ADAMTS9: variants seen among roughly 807,000 people sequenced by gnomAD.
ADAMTS9 encodes ADAM metallopeptidase with thrombospondin type 1 motif 9, also known as A disintegrin and metalloproteinase with thrombospondin motifs 9.
A neutral mutation model predicts 257.1 loss-of-function variants in ADAMTS9; 107 were observed. That is an observed-to-expected ratio of 0.42 (90% CI 0.36 to 0.49). The LOEUF (loss-of-function observed/expected upper bound fraction) is 0.49. ADAMTS9 is among the 20% of genes least tolerant of loss of function. The pLI is 0.03. For missense variants in ADAMTS9, 2,353 were observed against 2,469.1 expected, an observed-to-expected ratio of 0.95 and a Z score of 1.00; for synonymous variants, 982 against 880.9, an observed-to-expected ratio of 1.11 and a Z score of -2.03.
In ADAMTS9 at chr3:64,687,801, G is replaced by A. The variant is rs1276416562; in HGVS notation, c.-144C>T. 8.6e-6 allele frequency: 5 copies of A among 578,044 alleles called. No homozygotes were observed. The South Asian group carries it at 1.4e-4, about 16-fold the overall frequency. The allele number at this position is 578,044 out of a possible 1,614,324, so 35.8% of individuals were successfully genotyped here. A position where few individuals can be genotyped will look rare whatever the true frequency, so the allele number is the denominator to read the frequency against. On this transcript the variant is annotated 5_prime_UTR_variant, in exon 1 of 40. Transcript: ENST00000498707. The surrounding 1 kb of genome is among the most constrained non-coding windows in gnomAD (Gnocchi z 4.4). Reference sequence around the variant, plus strand: ...ACTTTTGACTTTAGGAGTCGCTGAGGTCTCGCTGCGAGGGTCCCGTCTGCG... The same window carrying A: ...ACTTTTGACTTTAGGAGTCGCTGAGATCTCGCTGCGAGGGTCCCGTCTGCG...
At chr3:64,676,496 C>A (rs1169533669) in intron 3 of ADAMTS9, among the ~76,000 whole-genome samples, 1 of 150,534 alleles carries the variant, frequency 6.6e-6, no homozygotes. Flanking sequence ...TGTTTACACA[C>A]ATGTACCCAA....
chr3:64,638,398 A>G (rs1207194050), intron 12 of ADAMTS9, among the ~76,000 whole-genome samples: 8 of 152,120 alleles, frequency 5.3e-5, no homozygotes, highest in Non-Finnish European at 1.5e-5. Context: ...TATGTTTTGG[A>G]GGTTCTGATT....
chr3:64,559,773 G>C (rs2083389303), intron 30 of ADAMTS9, among the ~76,000 whole-genome samples: 1 of 152,238 alleles, frequency 6.6e-6, no homozygotes, highest in African/African-American at 2.4e-5. Flanking sequence ...AAAAGGAATT[G>C]TAAACAGAGT....
At chr3:64,642,293 C>T (rs1005934261) in intron 11 of ADAMTS9, among the ~76,000 whole-genome samples, 1 of 152,046 alleles carries the variant, frequency 6.6e-6, no homozygotes, top group Non-Finnish European at 1.5e-5. Context: ...TTGGAAAAAC[C>T]AGGAGTGGAA....
At chr3:64,652,992 A>T (rs1700970650) in intron 8 of ADAMTS9, among the ~76,000 whole-genome samples, 1 of 152,244 alleles carries the variant, frequency 6.6e-6, no homozygotes, top group Non-Finnish European at 1.5e-5. Context: ...TACATGAAAC[A>T]TAAATTCCTT....
rs202179282 is a variant in ADAMTS9 at position 64,681,346 on chromosome 3, A to C, written c.534T>G (p.Ser178=). ...GTTCAATAAAATAATCCCCATCATGAGACCGGAATGTGCCCAGCTGCAAAT... is the reference window on the plus strand; with the variant it reads ...GTTCAATAAAATAATCCCCATCATGCGACCGGAATGTGCCCAGCTGCAAAT... The part of the protein sequence containing the change: ...LCSGMLGTFR[S]HDGDYFIEPL... The change falls in exon 3 of 40, where the codon TCT becomes TCG. Residue 178 remains serine (S), a synonymous_variant. Coordinates refer to ENST00000498707, the MANE Select transcript of ADAMTS9 (RefSeq NM_182920.2). 2 of 1,612,340 alleles carry C rather than the reference A, an allele frequency of 1.2e-6. No homozygotes were observed. The highest frequency in any genetic ancestry group is 4.5e-5 in the East Asian group (2 of 44,736).
At chr3:64,657,953 T>C (rs1186163801) in intron 4 of ADAMTS9, among the ~76,000 whole-genome samples, 1 of 152,138 alleles carries the variant, frequency 6.6e-6, no homozygotes, top group Non-Finnish European at 1.5e-5. Flanking sequence ...TAGGCCTCAC[T>C]CCCCAGGCTA....
intron 11 of ADAMTS9, among the ~76,000 whole-genome samples, chr3:64,646,387 A>G (rs1352852422): frequency 2.0e-5 from 3 of 152,196 alleles, no homozygotes; most frequent in Admixed American, 6.5e-5. Context: ...GGATTCTTTG[A>G]CCAAAATATG....
At chr3:64,621,786 A>T (rs1006882425) in intron 18 of ADAMTS9, among the ~76,000 whole-genome samples, 4 of 126,184 alleles carry the variant, frequency 3.2e-5, no homozygotes, top group Admixed American at 1.5e-4. Flanking sequence ...ATAAAAAAAT[A>T]AAAAAATAAA....
At chr3:64,639,008 C>A (rs1700570012) in intron 12 of ADAMTS9, among the ~76,000 whole-genome samples, 1 of 152,118 alleles carries the variant, frequency 6.6e-6, no homozygotes, top group Non-Finnish European at 1.5e-5. Flanking sequence ...GGCAGCTGTT[C>A]CCCTCAAACT....
At chr3:64,641,246 C>CTT (rs61090961) in intron 12 of ADAMTS9, among the ~76,000 whole-genome samples, 84 of 144,398 alleles carry the variant, frequency 5.8e-4, no homozygotes, top group Middle Eastern at 3.6e-3. Flanking sequence ...AGTGTGCTAT[C>CTT]TTTTTTTTTT....
intron 6 of ADAMTS9, among the ~76,000 whole-genome samples, chr3:64,655,045 G>C (rs943752512): frequency 3.3e-5 from 5 of 152,178 alleles, no homozygotes; most frequent in African/African-American, 1.2e-4. Flanking sequence ...CGTCTTTGTT[G>C]CTACAGTGTT....
At chr3:64,564,633 C>T (rs1046518616) in intron 29 of ADAMTS9, among the ~76,000 whole-genome samples, 2 of 151,634 alleles carry the variant, frequency 1.3e-5, no homozygotes, top group East Asian at 1.9e-4. Flanking sequence ...GGGGCGTTGT[C>T]GTGTGCATTG....
intron 38 of ADAMTS9, among the ~76,000 whole-genome samples, chr3:64,527,878 G>A (rs1217127324): frequency 6.6e-6 from 1 of 152,198 alleles, no homozygotes; most frequent in East Asian, 1.9e-4. Context: ...CGAAACATGA[G>A]AGTGGGCTGC....
At chr3:64,560,472 A>C (rs2083401239) in intron 30 of ADAMTS9, among the ~76,000 whole-genome samples, 1 of 152,218 alleles carries the variant, frequency 6.6e-6, no homozygotes, top group African/African-American at 2.4e-5. Context: ...GGGGTAAAGA[A>C]TGCAGTTCTA....
intron 28 of ADAMTS9, among the ~76,000 whole-genome samples, chr3:64,572,246 G>A (rs2083706721): frequency 6.6e-6 from 1 of 152,178 alleles, no homozygotes; most frequent in Admixed American, 6.5e-5. Context: ...CTGTTGGGTG[G>A]CTTGAAGGGG....
intron 4 of ADAMTS9, among the ~76,000 whole-genome samples, chr3:64,657,061 T>C (rs1012793005): frequency 2.0e-5 from 3 of 152,134 alleles, no homozygotes; most frequent in Non-Finnish European, 4.4e-5. Flanking sequence ...CAATGTGTAA[T>C]ACAGTATGTG....
At position 64,651,068 on chromosome 3, in the gene ADAMTS9, T is replaced by C; in HGVS notation, c.1412A>G (p.Asn471Ser). Residue 471 changes from asparagine to serine, a missense_variant, in exon 9 of 40, where the codon AAC (asparagine) becomes AGC (serine). By Grantham distance (46) the Asn-to-Ser change is conservative. Coordinates refer to ENST00000498707, the MANE Select transcript of ADAMTS9 (RefSeq NM_182920.2). Reference protein sequence around the residue: ...VMAPTLNFYTNPWMWSKCSRK... With the variant: ...VMAPTLNFYTSPWMWSKCSRK... ...ACTACACTTTGACCACATCCAGGGG[T>C]TGGTGTAGAAGTTCAGTGTTGGAGC... 1 of 1,608,026 alleles carries C rather than the reference T, an allele frequency of 6.2e-7. No individual in the cohort carries two copies. Among genetic ancestry groups the C allele is most frequent in the Middle Eastern group, 1.7e-4 (1 of 6,042 alleles).
At chr3:64,556,361 C>T (rs2083333137) in intron 30 of ADAMTS9, among the ~76,000 whole-genome samples, 2 of 152,234 alleles carry the variant, frequency 1.3e-5, no homozygotes, top group South Asian at 2.1e-4. Flanking sequence ...TGCTCTGTTG[C>T]CCAGGCCGTA....
Sources: gnomAD v4.1 joint callset for allele counts (sites outside exome capture counted in the v4.1 genomes callset) on GRCh38, gnomAD v4.1.1 for gene constraint, Gnocchi (gnomAD v3.1) non-coding constraint, MANE v1.5 for transcripts, NCBI Gene and HGNC (gene_info 2026-07-23, HGNC 2026-07-21) for gene names.